KCNH5: variants seen among roughly 807,000 people sequenced by gnomAD.
KCNH5 encodes the protein voltage-gated delayed rectifier potassium channel KCNH5.
KCNH5 carries 46 observed loss-of-function variants against 96.1 expected under a neutral mutation model. The observed-to-expected ratio is 0.48, with a 90% confidence interval of 0.38 to 0.61. The LOEUF is 0.61. Ranked by LOEUF, KCNH5 falls within the 20% of genes least tolerant of loss-of-function variation. The pLI is 0.00. For missense variants in KCNH5, 907 were observed against 1,225.8 expected, an observed-to-expected ratio of 0.74 and a Z score of 3.88; for synonymous variants, 439 against 449.8, an observed-to-expected ratio of 0.98 and a Z score of 0.30.
chr14:62,860,213 C>T (rs535751291), intron 7 of KCNH5, among the ~76,000 whole-genome samples: 3 of 152,250 alleles, frequency 2.0e-5, no homozygotes, highest in African/African-American at 4.8e-5. Context: ...CTGCAGAAGA[C>T]GGCAGGGCCT....
intron 7 of KCNH5, among the ~76,000 whole-genome samples, chr14:62,881,500 G>C (rs1451960790): frequency 6.6e-6 from 1 of 152,166 alleles, no homozygotes; most frequent in Non-Finnish European, 1.5e-5. Context: ...GGAGAAGGGA[G>C]AGGATCAGGA....
At chr14:62,779,678 T>C (rs1886167380) in intron 10 of KCNH5, 50 bp downstream of exon 10, 1 of 1,445,394 alleles carries the variant, frequency 6.9e-7, no homozygotes. Flanking sequence ...AGAGCTGAAT[T>C]AATTAATACT....
chr14:62,843,403 T>C (rs10147931), intron 8 of KCNH5, among the ~76,000 whole-genome samples: 14,745 of 149,574 alleles, frequency 0.099, 1,027 homozygotes, highest in East Asian at 0.29. Context: ...TGGATATATT[T>C]ACATGGCTTT....
chr14:62,820,416 G>A (rs978501855), intron 8 of KCNH5, among the ~76,000 whole-genome samples: 3 of 148,836 alleles, frequency 2.0e-5, no homozygotes, highest in Admixed American at 6.7e-5. Flanking sequence ...GGGGTTTGTT[G>A]TACAGATTAT....
intron 10 of KCNH5, among the ~76,000 whole-genome samples, chr14:62,767,464 A>G (rs1439708062): frequency 6.6e-6 from 1 of 152,214 alleles, no homozygotes; most frequent in Admixed American, 6.5e-5. Flanking sequence ...AAAATGGGGT[A>G]TATATACACA....
intron 6 of KCNH5, among the ~76,000 whole-genome samples, chr14:62,957,508 C>T (rs10140143): frequency 0.17 from 25,746 of 152,120 alleles, 2,918 homozygotes; most frequent in African/African-American, 0.33. Flanking sequence ...TTTATTTTTC[C>T]CCCTGTATCC....
chr14:62,711,335 G>A (rs771956552), intron 10 of KCNH5, among the ~76,000 whole-genome samples: 1 of 151,754 alleles, frequency 6.6e-6, no homozygotes, highest in Non-Finnish European at 1.5e-5. Context: ...TCTTGGCACA[G>A]GGCTTGATTT....
At chr14:62,835,585 T>C (rs1435287058) in intron 8 of KCNH5, among the ~76,000 whole-genome samples, 2 of 152,066 alleles carry the variant, frequency 1.3e-5, no homozygotes, top group Admixed American at 6.6e-5. Context: ...TTAAAAGTTG[T>C]AGATGGAAGT....
At chr14:62,848,783 T>A (rs1057380305) in intron 8 of KCNH5, among the ~76,000 whole-genome samples, 2 of 151,648 alleles carry the variant, frequency 1.3e-5, no homozygotes, top group South Asian at 2.1e-4. Context: ...AAAAAAAAAA[T>A]TGTGGGAAAT....
At position 63,001,343 on chromosome 14, in the gene KCNH5, C is replaced by A. The variant is rs1186061893; in HGVS notation, c.421G>T (p.Asp141Tyr). 6.3e-7 allele frequency: 1 copy of A among 1,597,008 alleles called. No individual in the cohort carries two copies. Among genetic ancestry groups the A allele is most frequent in the Non-Finnish European group, 8.5e-7 (1 of 1,173,548 alleles). Reference protein sequence around the residue: ...ITLFKQPIEDDSTKGWTKFAR... With the variant: ...ITLFKQPIEDYSTKGWTKFAR... ...TTTTGAAAATTACCTTTTGTTGAAT[C>A]ATCCTCTATTGGCTGTTTGAACAAC... is the stretch of plus-strand genomic sequence containing the variant. Residue 141 changes from aspartate (D) to tyrosine (Y), a missense_variant, in exon 4 of 11, where the codon GAT (aspartate) becomes TAT (tyrosine). Coordinates refer to ENST00000322893, the MANE Select transcript of KCNH5 (RefSeq NM_139318.5).
At chr14:62,838,683 G>C (rs560970777) in intron 8 of KCNH5, among the ~76,000 whole-genome samples, 1 of 152,268 alleles carries the variant, frequency 6.6e-6, no homozygotes, top group African/African-American at 2.4e-5. Flanking sequence ...GCAGCAGAGT[G>C]ACTAAGAACA....
intron 1 of KCNH5, among the ~76,000 whole-genome samples, chr14:63,024,920 A>T (rs1411259439): frequency 6.6e-6 from 1 of 152,110 alleles, no homozygotes; most frequent in Non-Finnish European, 1.5e-5. Flanking sequence ...ATACCAGACA[A>T]GGAAGCTACG....
At chr14:63,036,479 AC>A (rs1891723646) in intron 1 of KCNH5, among the ~76,000 whole-genome samples, 1 of 150,568 alleles carries the variant, frequency 6.6e-6, no homozygotes, top group African/African-American at 2.5e-5. Flanking sequence ...TACTAAAGAC[AC>A]TTTGAATAGA....
At chr14:62,740,788 A>G (rs1010246462) in intron 10 of KCNH5, among the ~76,000 whole-genome samples, 3 of 152,182 alleles carry the variant, frequency 2.0e-5, no homozygotes, top group African/African-American at 7.2e-5. Flanking sequence ...AGTACTTAGT[A>G]AGAACAGAAT....
At chr14:62,954,586 A>G (rs528466902) in intron 6 of KCNH5, among the ~76,000 whole-genome samples, 55 of 152,356 alleles carry the variant, frequency 3.6e-4, no homozygotes, top group African/African-American at 1.3e-3. Flanking sequence ...GTAGAGAACA[A>G]AACAGTCAAT....
rs560736665 is a variant in KCNH5 at position 63,020,976 on chromosome 14, T to C, written c.74-4022A>G. ...TTCTGCAAAAGTACTTCAGAAAGTATAAATTCCTCTATAAATAAATGATGT... is the reference window on the plus strand; with the variant it reads ...TTCTGCAAAAGTACTTCAGAAAGTACAAATTCCTCTATAAATAAATGATGT... On this transcript the variant is annotated intron_variant, in intron 1 of 10. Coordinates refer to ENST00000322893, the MANE Select transcript of KCNH5 (RefSeq NM_139318.5). 1.2e-4 allele frequency among the ~76,000 whole-genome samples: 18 copies of C among 152,250 alleles called. No individual in the cohort carries two copies. In the East Asian group the frequency reaches 1.5e-3, roughly 13 times the overall value.
chr14:62,815,867 A>T (rs1385918383), intron 8 of KCNH5, among the ~76,000 whole-genome samples: 7 of 151,998 alleles, frequency 4.6e-5, no homozygotes, highest in Non-Finnish European at 7.4e-5. Context: ...AATTTAAGAC[A>T]TATACACACA....
chr14:62,909,032 A>ATTTTTTTTTTT (rs58920666), intron 7 of KCNH5, among the ~76,000 whole-genome samples: 1 of 57,926 alleles, frequency 1.7e-5, no homozygotes, highest in Non-Finnish European at 2.9e-5. Flanking sequence ...TATGCTACGT[A>ATTTTTTTTTTT]TTTTTTTTTT....
At chr14:62,817,825 A>G (rs915051086) in intron 8 of KCNH5, among the ~76,000 whole-genome samples, 1 of 145,432 alleles carries the variant, frequency 6.9e-6, no homozygotes, top group Non-Finnish European at 1.5e-5. Flanking sequence ...TATTATATAT[A>G]TTATATATAT....
Sources: allele counts gnomAD v4.1 joint callset (sites outside exome capture counted in the v4.1 genomes callset), GRCh38; gene constraint gnomAD v4.1.1; transcripts MANE v1.5; gene names NCBI Gene and HGNC (gene_info 2026-07-23, HGNC 2026-07-21).